Variants in ABCG5 observed in about 807,000 individuals in gnomAD.
ABCG5 encodes the protein ATP binding cassette subfamily G member 5.
Under a neutral mutation model 64.5 loss-of-function variants are expected in ABCG5, and 64 were observed. The observed-to-expected ratio is 0.99, with a 90% CI of 0.81 to 1.22. The LOEUF (loss-of-function observed/expected upper bound fraction) is 1.22, where lower values mean the gene tolerates loss of function less well. ABCG5 is among the 50% of genes most tolerant of loss of function. The probability of loss-of-function intolerance (pLI) is 0.00; values close to 1 mark genes in which losing one functional copy is unlikely to be tolerated. For missense variants in ABCG5, 908 were observed against 829.5 expected (o/e 1.09, Z -1.16); for synonymous variants, 385 against 326.3 (o/e 1.18, Z -1.94).
rs1214033245 is a variant in ABCG5 at position 43,813,709 on chromosome 2, G to GTTT, written c.1763-403_1763-401dup. 5.2e-3 allele frequency among the ~76,000 whole-genome samples: 175 copies of GTTT among 33,974 alleles called. 16 individuals are homozygous for GTTT. The highest frequency in any genetic ancestry group is 0.014 in the African/African-American group (106 of 7,790). 22.3% of individuals were successfully genotyped at this position (33,974 alleles called of 152,430 possible). On this transcript the variant is annotated intron_variant, in intron 12 of 12. Transcript: ENST00000405322. The stretch of plus-strand genomic sequence containing the variant: ...TGTTTTTTTTGGGGTTTTTTTTTTC[G>GTTT]TTTTTTTTTTTTTTTTTTTTTTTTT...
At chr2:43,808,159 G>A (rs1315233529), downstream of ABCG5, among the ~76,000 whole-genome samples, 1 of 151,926 alleles carries the variant, frequency 6.6e-6, no homozygotes, top group Non-Finnish European at 1.5e-5. Flanking sequence ...GTAGATAACT[G>A]GTGAACTGAA....
chr2:43,827,486 T>C (rs536870083), intron 5 of ABCG5, among the ~76,000 whole-genome samples: 6 of 151,644 alleles, frequency 4.0e-5, no homozygotes, highest in Non-Finnish European at 8.8e-5. Context: ...AGTGGCGAGG[T>C]TTCCCCAGGT....
chr2:43,818,261 T>C (rs972903097), intron 11 of ABCG5, among the ~76,000 whole-genome samples: 3 of 152,134 alleles, frequency 2.0e-5, no homozygotes, highest in African/African-American at 7.2e-5. Flanking sequence ...CTGGCCAACA[T>C]GGCGAAACCC....
intron 10 of ABCG5, among the ~76,000 whole-genome samples, chr2:43,821,807 C>G (rs1368533771): frequency 1.3e-5 from 2 of 152,108 alleles, no homozygotes; most frequent in Non-Finnish European, 2.9e-5. Flanking sequence ...TGCTCAGCAG[C>G]TGAATTCACC....
At chr2:43,834,131 G>C (rs1668117236) in intron 2 of ABCG5, among the ~76,000 whole-genome samples, 1 of 152,202 alleles carries the variant, frequency 6.6e-6, no homozygotes, top group Non-Finnish European at 1.5e-5. Flanking sequence ...ACAGAGTGGG[G>C]AAAGAGAGGA....
At chr2:43,808,219 T>C (rs554758980), downstream of ABCG5, among the ~76,000 whole-genome samples, 2 of 151,850 alleles carry the variant, frequency 1.3e-5, no homozygotes, top group African/African-American at 4.8e-5. Context: ...TACATATGAT[T>C]ATTACCATGA....
rs774178234 is a variant in ABCG5 at position 43,826,428 on chromosome 2, C to G, written c.728G>C (p.Arg243Pro). The change falls in exon 6 of 13, where the codon CGA becomes CCA. Residue 243 changes from arginine to proline, a missense_variant. Arg to Pro is a moderately radical substitution (Grantham distance 103). Transcript: ENST00000405322. ...VLLVELARRNRIVVLTIHQPR... is the reference protein window; with the variant it reads ...VLLVELARRNPIVVLTIHQPR... ...CTGGTGAATGGTGAGAACCACAATT[C>G]GGTTCCTGCGAGCCAGTTCCACCAG... The G allele has an allele frequency of 6.2e-7, 1 of 1,614,066 alleles. No homozygotes were observed. The highest frequency in any genetic ancestry group is 1.1e-5 in the South Asian group (1 of 91,078).
intron 10 of ABCG5, among the ~76,000 whole-genome samples, chr2:43,822,269 C>T (rs1667261030): frequency 6.6e-6 from 1 of 152,142 alleles, no homozygotes; most frequent in Non-Finnish European, 1.5e-5. Context: ...TTATGCTTCA[C>T]CTCCTTTAAC....
At chr2:43,831,232 G>A (rs1316121465) in intron 4 of ABCG5, among the ~76,000 whole-genome samples, 12 of 152,160 alleles carry the variant, frequency 7.9e-5, no homozygotes, top group African/African-American at 2.9e-4. Flanking sequence ...GAGTGCAATG[G>A]TGCAATCATG....
chr2:43,820,868 G>T (rs911895755), intron 10 of ABCG5, among the ~76,000 whole-genome samples: 1 of 152,090 alleles, frequency 6.6e-6, no homozygotes, highest in African/African-American at 2.4e-5. Flanking sequence ...TGGCCAGGCT[G>T]GTCTTGAACT....
chr2:43,814,583 T>C lies in ABCG5; in HGVS notation c.1656A>G (p.Ile552Met). ...VLVGSGFLRNIQEMPIPFKII... is the reference protein window; with the variant it reads ...VLVGSGFLRNMQEMPIPFKII... ...TTTTAAAAGGAATGGGCATTTCTTG[T>C]ATGTTTCTTAAGAAAAAGAAAACAA... The change falls in exon 12 of 13, where the codon ATA (isoleucine) becomes ATG (methionine). Residue 552 changes from isoleucine to methionine, a missense_variant. Coordinates refer to ENST00000405322, the MANE Select transcript of ABCG5 (RefSeq NM_022436.3). 4.4e-6 allele frequency: 7 copies of C among 1,579,848 alleles called. No homozygotes were observed. Among genetic ancestry groups the C allele is most frequent in the Non-Finnish European group, 6.1e-6 (7 of 1,149,674 alleles).
intron 9 of ABCG5, 28 bp downstream of exon 9, chr2:43,823,885 G>T: frequency 2.5e-6 from 4 of 1,610,590 alleles, no homozygotes; most frequent in Non-Finnish European, 3.4e-6. Context: ...GGGAGAAAGA[G>T]GTGCACCTCC....
Position 43,825,006 on chromosome 2 carries a change from T to C in ABCG5, c.787A>G (p.Ile263Val), listed in dbSNP as rs1020454866. 6.2e-7 allele frequency: 1 copy of C among 1,613,690 alleles called. No individual in the cohort carries two copies. Among genetic ancestry groups the C allele is most frequent in the Admixed American group, 1.7e-5 (1 of 59,994 alleles). The change falls in exon 7 of 13, where the codon ATT (isoleucine) becomes GTT (valine). Residue 263 changes from isoleucine (I) to valine (V), a missense_variant. Coordinates refer to ENST00000405322, the MANE Select transcript of ABCG5 (RefSeq NM_022436.3). ...RSELFQLFDK[I>V]AILSFGELIF... ...AGCTCTCCGAAGCTCAGGATGGCAATTTTGTCAAAGAGCTGACCAGACAAC... is the reference window on the plus strand; with the variant it reads ...AGCTCTCCGAAGCTCAGGATGGCAACTTTGTCAAAGAGCTGACCAGACAAC...
intron 4 of ABCG5, among the ~76,000 whole-genome samples, chr2:43,830,791 T>C (rs1361453487): frequency 6.6e-6 from 1 of 152,226 alleles, no homozygotes; most frequent in African/African-American, 2.4e-5. Flanking sequence ...ATGAAGCAGT[T>C]TCCAGGTAAG....
At chr2:43,837,274 C>A (rs1268292567) in intron 2 of ABCG5, among the ~76,000 whole-genome samples, 1 of 151,346 alleles carries the variant, frequency 6.6e-6, no homozygotes. Flanking sequence ...CATGCACCAC[C>A]ATGCCTGGCT....
chr2:43,822,738 C>A lies in ABCG5; in HGVS notation c.1463+59G>T, dbSNP rs887719728. ...ACCCTGGAGCTCTCCCTGCACGAGT[C>A]CCACTAGCTCCATGACTCCATGGGA... On this transcript the variant is annotated intron_variant, in intron 10 of 12. Transcript: ENST00000405322. 19 of 1,612,268 alleles carry A rather than the reference C, an allele frequency of 1.2e-5. No homozygotes were observed. In the East Asian group the frequency reaches 3.8e-4, roughly 32 times the overall value.
chr2:43,838,488 C>T lies in ABCG5; in HGVS notation c.143+49G>A, dbSNP rs751980688. 23 of 1,540,326 alleles carry T rather than the reference C, an allele frequency of 1.5e-5. No homozygotes were observed. The highest frequency in any genetic ancestry group is 1.4e-4 in the East Asian group (6 of 41,786). On this transcript the variant is annotated intron_variant, in intron 1 of 12. Transcript: ENST00000405322. The surrounding 1 kb of genome is among the most constrained non-coding windows in gnomAD (Gnocchi z 4.2). ...AGAAAGGCAGCAGAGGGGTGAGCGC[C>T]GGGCCCCGCACTCCTGGGGGAGCAG...
At chr2:43,815,210 C>A (rs972268819) in intron 11 of ABCG5, among the ~76,000 whole-genome samples, 1 of 152,184 alleles carries the variant, frequency 6.6e-6, no homozygotes, top group Non-Finnish European at 1.5e-5. Context: ...AAATATGTCT[C>A]CTCTCCAATC....
chr2:43,822,761 G>A, intron 10 of ABCG5, 36 bp downstream of exon 10: 1 of 1,613,822 alleles, frequency 6.2e-7, no homozygotes, highest in Non-Finnish European at 8.5e-7. Flanking sequence ...TGACTCCATG[G>A]GAGCCCGGCC....
Sources: gnomAD v4.1 joint callset for allele counts (sites outside exome capture counted in the v4.1 genomes callset) on GRCh38, gnomAD v4.1.1 for gene constraint, Gnocchi (gnomAD v3.1) non-coding constraint, MANE v1.5 for transcripts, NCBI Gene and HGNC (gene_info 2026-07-23, HGNC 2026-07-21) for gene names.